The following LMF1 variants were observed in gnomAD, a reference collection of about 807,000 sequenced individuals.
LMF1 encodes the protein lipase maturation factor 1.
LMF1 carries 68 observed loss-of-function variants against 60.6 expected under a neutral mutation model. That is an observed-to-expected ratio of 1.12 (90% confidence interval 0.92 to 1.37). The LOEUF is 1.37. LMF1 is among the 40% of genes most tolerant of loss of function. The pLI, the probability that LMF1 is intolerant of heterozygous loss-of-function variation, is 0.00. For synonymous variants in LMF1, 418 were observed against 324.7 expected (o/e 1.29, Z -3.09); for missense variants, 948 against 767.2 (o/e 1.24, Z -2.78).
chr16:976,606 AC>A (rs1232125569), intron 1 of LMF1: 8 of 454,080 alleles, frequency 1.8e-5, no homozygotes, highest in Admixed American at 7.0e-5. Flanking sequence ...CCATTATCAG[AC>A]GAGAAGTGCA....
intron 3 of LMF1, among the ~76,000 whole-genome samples, chr16:932,677 C>T (rs1434327340): frequency 2.6e-5 from 4 of 152,114 alleles, no homozygotes; most frequent in African/African-American, 9.7e-5. Context: ...TGCTTCAGCC[C>T]CCAAACTGCT....
chr16:962,643 G>T lies in LMF1; in HGVS notation c.194-7977C>A, dbSNP rs1160345856. 6.6e-6 allele frequency among the ~76,000 whole-genome samples: 1 copy of T among 152,174 alleles called. No homozygotes were observed. The highest frequency in any genetic ancestry group is 2.4e-5 in the African/African-American group (1 of 41,432). ...GACCCAACGTGAGGGACGCTCTACA[G>T]ACGCCATGACAGGCCTGCTTGACAC... On this transcript the variant is annotated intron_variant, in intron 1 of 10. Coordinates refer to ENST00000262301, the MANE Select transcript of LMF1 (RefSeq NM_022773.4). The surrounding 1 kb of genome is among the most constrained non-coding windows in gnomAD (Gnocchi z 4.5).
At chr16:923,999 T>C (rs2071519584) in intron 3 of LMF1, among the ~76,000 whole-genome samples, 1 of 152,190 alleles carries the variant, frequency 6.6e-6, no homozygotes, top group Non-Finnish European at 1.5e-5. Context: ...AAAAGGCAAC[T>C]ATGAACTCCA....
At chr16:866,228 T>G (rs986395493) in intron 10 of LMF1, among the ~76,000 whole-genome samples, 2 of 152,242 alleles carry the variant, frequency 1.3e-5, no homozygotes, top group African/African-American at 4.8e-5. Flanking sequence ...TTAAACCTTC[T>G]GCTTTAGATG....
intron 2 of LMF1, among the ~76,000 whole-genome samples, chr16:940,936 TC>T (rs2072085712): frequency 6.6e-6 from 1 of 152,230 alleles, no homozygotes; most frequent in Admixed American, 6.5e-5. Flanking sequence ...GTGTATTTCT[TC>T]CTGGAGTTCT....
At chr16:963,050 C>A (rs776078178) in intron 1 of LMF1, among the ~76,000 whole-genome samples, 2 of 151,750 alleles carry the variant, frequency 1.3e-5, no homozygotes, top group African/African-American at 4.8e-5. Flanking sequence ...TGGACACAGG[C>A]GGGCACGGGA....
At chr16:871,507 TG>T in intron 6 of LMF1, 166 bp from the exon 7 acceptor site, 1 of 675,442 alleles carries the variant, frequency 1.5e-6, no homozygotes, top group Non-Finnish European at 2.5e-6. Context: ...TGTGCCTTCA[TG>T]GAGGGGACAG....
intron 2 of LMF1, among the ~76,000 whole-genome samples, chr16:943,445 G>A (rs2072159438): frequency 6.6e-6 from 1 of 151,450 alleles, no homozygotes; most frequent in African/African-American, 2.4e-5. Context: ...CCACTACTAG[G>A]CTGGGTGTGG....
rs2072829927 is a variant in LMF1, at chr16:962,463, C to G, written c.194-7797G>C. 3.9e-5 allele frequency among the ~76,000 whole-genome samples: 6 copies of G among 151,982 alleles called. No homozygotes were observed. In the South Asian group the frequency reaches 1.2e-3, roughly 31 times the overall value. The stretch of plus-strand genomic sequence containing the variant: ...AGCGGGCGGGAAAGCAGGGACCTGT[C>G]AGAGGGCACACCTGGCAGGCAGACC... On this transcript the variant is annotated intron_variant, in intron 1 of 10. Coordinates refer to ENST00000262301, the MANE Select transcript of LMF1 (RefSeq NM_022773.4). This position sits in a 1 kb window ranked among gnomAD's most constrained non-coding sequence, Gnocchi z 4.5.
At chr16:977,793 C>T (rs1317148118) in intron 1 of LMF1, among the ~76,000 whole-genome samples, 1 of 151,910 alleles carries the variant, frequency 6.6e-6, no homozygotes, top group East Asian at 1.9e-4. Context: ...AGCCCTGCTT[C>T]CTCCTCGTGC....
chr16:867,561 C>T (rs549102503), intron 10 of LMF1, among the ~76,000 whole-genome samples: 13 of 152,318 alleles, frequency 8.5e-5, no homozygotes, highest in East Asian at 3.9e-4. Flanking sequence ...GCCAGGGGAA[C>T]GGCCGCCTGT....
intron 4 of LMF1, among the ~76,000 whole-genome samples, chr16:909,376 G>A (rs1424900687): frequency 1.3e-5 from 2 of 152,150 alleles, no homozygotes; most frequent in African/African-American, 2.4e-5. Context: ...TGAGGAATGG[G>A]CCCAGACAGC....
At chr16:933,661 T>G in intron 3 of LMF1, 1 of 252,778 alleles carries the variant, frequency 4.0e-6, no homozygotes, top group Non-Finnish European at 7.8e-6. Flanking sequence ...GGTCCTGGAG[T>G]CAGGTCTGCT....
At chr16:890,459 G>A (rs747159281) in intron 5 of LMF1, among the ~76,000 whole-genome samples, 10 of 151,946 alleles carry the variant, frequency 6.6e-5, no homozygotes, top group African/African-American at 1.5e-4. Context: ...AGAGCCTCAC[G>A]CTGCCTGGCT....
intron 6 of LMF1, among the ~76,000 whole-genome samples, chr16:876,549 G>C (rs906051080): frequency 6.6e-6 from 1 of 152,174 alleles, no homozygotes; most frequent in Admixed American, 6.5e-5. Context: ...AACTGGGAGG[G>C]GGGGATAAGG....
chr16:925,830 G>A (rs2071577700), intron 3 of LMF1, among the ~76,000 whole-genome samples: 1 of 152,258 alleles, frequency 6.6e-6, no homozygotes, highest in African/African-American at 2.4e-5. Flanking sequence ...TGAAAGAAAT[G>A]TATCTAATAT....
At chr16:885,362 C>T (rs931838609) in intron 5 of LMF1, among the ~76,000 whole-genome samples, 8 of 152,122 alleles carry the variant, frequency 5.3e-5, no homozygotes, top group African/African-American at 9.7e-5. Flanking sequence ...GAAAACAAAT[C>T]GCAAGACAAC....
chr16:864,366 G>C (rs555001289), intron 10 of LMF1, among the ~76,000 whole-genome samples: 2 of 152,276 alleles, frequency 1.3e-5, no homozygotes, highest in South Asian at 4.1e-4. Context: ...ATGGTGCGAG[G>C]GATACGCACT....
chr16:868,898 TG>T, intron 10 of LMF1, 45 bp downstream of exon 10: 1 of 1,270,046 alleles, frequency 7.9e-7, no homozygotes. Context: ...AGCAGACACC[TG>T]GATTTGGGGG....
Sources: gnomAD v4.1 joint callset for allele counts (sites outside exome capture counted in the v4.1 genomes callset) on GRCh38, gnomAD v4.1.1 for gene constraint, Gnocchi (gnomAD v3.1) non-coding constraint, MANE v1.5 for transcripts, NCBI Gene and HGNC (gene_info 2026-07-23, HGNC 2026-07-21) for gene names.